The following CFAP92 variants were observed in gnomAD, a reference collection of about 807,000 sequenced individuals.
The protein encoded by CFAP92 is uncharacterized protein CFAP92.
CFAP92 carries 86 observed loss-of-function variants against 106.3 expected under a neutral mutation model. That is an observed-to-expected ratio of 0.81 (90% CI 0.68 to 0.97). The LOEUF is 0.97. Among genes scored for constraint, CFAP92 ranks in the 50% least tolerant of loss-of-function variants. The probability of loss-of-function intolerance (pLI) is 0.00; values close to 1 mark genes in which losing one functional copy is unlikely to be tolerated. For synonymous variants in CFAP92, 477 were observed against 506.4 expected (o/e 0.94, Z 0.78); for missense variants, 1,204 against 1,283.8 (o/e 0.94, Z 0.95).
At chr3:128,986,045 A>G (rs1265272501) in intron 4 of CFAP92, among the ~76,000 whole-genome samples, 4 of 152,206 alleles carry the variant, frequency 2.6e-5, no homozygotes, top group Non-Finnish European at 4.4e-5. Context: ...AACCCTGGAC[A>G]TAAATGAAAG....
Position 128,915,488 on chromosome 3 carries a change from C to T in CFAP92, c.2992G>A (p.Glu998Lys). 3 of 1,536,050 alleles carry T rather than the reference C, an allele frequency of 2.0e-6. No homozygotes were observed. Among genetic ancestry groups the T allele is most frequent in the Non-Finnish European group, 2.6e-6 (3 of 1,146,894 alleles). Residue 998 changes from glutamate (E) to lysine (K), a missense_variant, in exon 14 of 16, where the codon GAG becomes AAG. Physicochemically the swap from Glu to Lys is moderately conservative, Grantham distance 56. Transcript: ENST00000645291. Reference protein sequence around the residue: ...MVEPLDLKEEEKKAQKKSRQA... With the variant: ...MVEPLDLKEEKKKAQKKSRQA... ...CGGGATTTCTTCTGGGCTTTCTTCT[C>T]CTCTTCCTTCAAGTCCAGGGGCTCC...
intron 12 of CFAP92, among the ~76,000 whole-genome samples, chr3:128,916,837 G>T (rs1300347280): frequency 1.3e-5 from 2 of 152,200 alleles, no homozygotes; most frequent in African/African-American, 4.8e-5. Flanking sequence ...AGGTGGCTGG[G>T]ACCCAAAACA....
At position 128,932,874 on chromosome 3, in the gene CFAP92, T is replaced by A; in HGVS notation, c.2577A>T (p.Glu859Asp). 6.5e-7 allele frequency: 1 copy of A among 1,535,804 alleles called. No homozygotes were observed. Residue 859 changes from glutamate (E) to aspartate (D), a missense_variant, in exon 12 of 16, where the codon GAA becomes GAT. Glu to Asp is a conservative substitution (Grantham distance 45, BLOSUM62 2). Coordinates refer to ENST00000645291, the MANE Select transcript of CFAP92 (RefSeq NM_001394090.1). ...QEFGMPLSQEELTDEKLFALP... is the reference protein window; with the variant it reads ...QEFGMPLSQEDLTDEKLFALP... ...GGGCAAACAGTTTCTCATCTGTGAG[T>A]TCTTCTTGCGAAAGGGGCATCCCAA...
chr3:128,937,196 G>A (rs374089690), intron 10 of CFAP92, among the ~76,000 whole-genome samples: 14 of 151,748 alleles, frequency 9.2e-5, no homozygotes, highest in African/African-American at 3.1e-4. Context: ...AGCTGCCTGG[G>A]AGGCTGAGAT....
In CFAP92 at chr3:128,910,353, G is replaced by GTGAC. The variant is rs1936137586; in HGVS notation, c.3281-24_3281-21dup. On this transcript the variant is annotated intron_variant, in intron 15 of 15. Coordinates refer to ENST00000645291, the MANE Select transcript of CFAP92 (RefSeq NM_001394090.1). ...TCCTGACTGAGAGAAGAGGGGGTGA[G>GTGAC]TGACAGGGGTTCCTGATCCCAGTGC... 15 of 1,466,934 alleles carry GTGAC rather than the reference G, an allele frequency of 1.0e-5. No individual in the cohort carries two copies. The highest frequency in any genetic ancestry group is 2.5e-5 in the East Asian group (1 of 40,326). The allele number at this position is 1,466,934 out of a possible 1,614,324, so 90.9% of individuals were successfully genotyped here. A position where few individuals can be genotyped will look rare whatever the true frequency, so the allele number is the denominator to read the frequency against.
intron 1 of CFAP92, chr3:129,001,758 G>C (rs1202785164): frequency 1.9e-6 from 3 of 1,541,806 alleles, no homozygotes; most frequent in Non-Finnish European, 2.6e-6. Flanking sequence ...GGACCGCGGC[G>C]TGGAGAACGA....
Position 128,967,352 on chromosome 3 carries a change from C to T in CFAP92, c.1169-1657G>A, listed in dbSNP as rs562709986. 2.6e-5 allele frequency: 4 copies of T among 152,342 alleles called. No homozygotes were observed. The Middle Eastern group carries it at 0.014, about 518-fold the overall frequency. The allele number at this position is 152,342 out of a possible 1,614,324, so 9.4% of individuals were successfully genotyped here. A position where few individuals can be genotyped will look rare whatever the true frequency, so the allele number is the denominator to read the frequency against. ...CTTTAACAAAGCTGATTCATAAAAG[C>T]TGTCACCCATTACGCCTGTGTTCTA... is the stretch of plus-strand genomic sequence containing the variant. On this transcript the variant is annotated intron_variant, in intron 8 of 15. Coordinates refer to ENST00000645291, the MANE Select transcript of CFAP92 (RefSeq NM_001394090.1).
At chr3:129,006,488 G>A (rs1489335966), upstream of CFAP92, among the ~76,000 whole-genome samples, 5 of 152,206 alleles carry the variant, frequency 3.3e-5, no homozygotes, top group Admixed American at 3.3e-4. Context: ...GGTAATTTTT[G>A]TATTTTTAGT....
At chr3:129,004,203 G>A, upstream of CFAP92, 2 of 1,182,892 alleles carry the variant, frequency 1.7e-6, no homozygotes, top group Non-Finnish European at 2.2e-6. Flanking sequence ...GTTTATTCAT[G>A]TATTCTTTCA....
In CFAP92 at chr3:128,942,969, G is replaced by A. The variant is rs545169112; in HGVS notation, c.2258+2102C>T. Among the ~76,000 whole-genome samples the A allele has an allele frequency of 1.8e-4, 25 of 138,164 alleles. No homozygotes were observed. In the East Asian group the frequency reaches 4.1e-3, roughly 22 times the overall value. 90.6% of individuals were successfully genotyped at this position (138,164 alleles called of 152,430 possible). On this transcript the variant is annotated intron_variant, in intron 10 of 15. Transcript: ENST00000645291. The stretch of plus-strand genomic sequence containing the variant: ...GGAGTCTAGCTCTGTCACCCAGGCT[G>A]GAGTGCAGTGGCGCGATCTCACTCA...
chr3:129,022,672 G>A, the CFAP92 span, among the ~76,000 whole-genome samples: 1 of 152,194 alleles, frequency 6.6e-6, no homozygotes, highest in South Asian at 2.1e-4. Context: ...GTGAGGGGAG[G>A]GTGGGTGGCT....
At chr3:129,017,559 TC>T in the CFAP92 span, among the ~76,000 whole-genome samples, 1 of 152,210 alleles carries the variant, frequency 6.6e-6, no homozygotes, top group Admixed American at 6.5e-5. Flanking sequence ...AGGCCCTATT[TC>T]CTTGCCGGCT....
chr3:128,921,480 G>A (rs1195880701), intron 12 of CFAP92, among the ~76,000 whole-genome samples: 3 of 152,264 alleles, frequency 2.0e-5, no homozygotes, highest in African/African-American at 2.4e-5. Context: ...TAAGGCTTGC[G>A]ATGGCATTGG....
intron 12 of CFAP92, among the ~76,000 whole-genome samples, chr3:128,929,430 C>G (rs1055101834): frequency 2.0e-5 from 3 of 152,000 alleles, no homozygotes; most frequent in African/African-American, 7.3e-5. Flanking sequence ...TAGGTTCTAC[C>G]CAAGAGAAAT....
Position 128,965,550 on chromosome 3 carries a change from G to A in CFAP92, c.1314C>T (p.Ser438=). The A allele has an allele frequency of 2.5e-6, 1 of 399,022 alleles. No homozygotes were observed. Among genetic ancestry groups the A allele is most frequent in the Non-Finnish European group, 4.4e-6 (1 of 226,066 alleles). 24.7% of individuals were successfully genotyped at this position (399,022 alleles called of 1,614,324 possible). A position where few individuals can be genotyped will look rare whatever the true frequency, so the allele number is the denominator to read the frequency against. The change falls in exon 9 of 16, where the codon TCC becomes TCT. Residue 438 remains serine (S), a synonymous_variant. Transcript: ENST00000645291. ...TGGGTACAGGCTGTGATGGAAGGCA[G>A]GAAGCACACTTGATCTTTATGGTCA... ...NPLTIKIKCA[S]CLPSQPVPIQ... is the part of the protein sequence containing the mutation.
At chr3:128,939,134 TAG>T (rs1939362679) in intron 10 of CFAP92, among the ~76,000 whole-genome samples, 1 of 152,056 alleles carries the variant, frequency 6.6e-6, no homozygotes. Context: ...TTTTGTCTGC[TAG>T]AGTTATTTAT....
At chr3:129,002,562 A>G in intron 1 of CFAP92, 1 of 755,082 alleles carries the variant, frequency 1.3e-6, no homozygotes, top group South Asian at 2.8e-5. Flanking sequence ...AATCACACTC[A>G]AACAACCATA....
chr3:129,002,217 T>A (rs1378141890), intron 1 of CFAP92: 4 of 1,528,772 alleles, frequency 2.6e-6, no homozygotes, highest in Non-Finnish European at 8.7e-7. Flanking sequence ...CGGTCCTGAC[T>A]GTGAGCGCGT....
intron 4 of CFAP92, 111 bp from the exon 5 acceptor site, chr3:128,978,296 C>T: frequency 9.3e-7 from 1 of 1,074,906 alleles, no homozygotes; most frequent in South Asian, 1.6e-5. Flanking sequence ...TCAGACTACA[C>T]TAAAGTAAAT....
Sources: gnomAD v4.1 joint callset for allele counts (sites outside exome capture counted in the v4.1 genomes callset) on GRCh38, gnomAD v4.1.1 for gene constraint, MANE v1.5 for transcripts, NCBI Gene and HGNC (gene_info 2026-07-23, HGNC 2026-07-21) for gene names.